Variants in MDGA2 observed in about 807,000 individuals in gnomAD.
MDGA2 encodes MAM domain containing glycosylphosphatidylinositol anchor 2, also known as MAM domain-containing glycosylphosphatidylinositol anchor protein 2.
A neutral mutation model predicts 117.8 loss-of-function variants in MDGA2; 40 were observed. The observed-to-expected ratio is 0.34, with a 90% CI of 0.26 to 0.44. The LOEUF (loss-of-function observed/expected upper bound fraction) is 0.44. Ranked by LOEUF, MDGA2 falls within the 20% of genes least tolerant of loss-of-function variation. The pLI, the probability that MDGA2 is intolerant of heterozygous loss-of-function variation, is 1.00. For synonymous variants in MDGA2, 452 were observed against 439.0 expected (o/e 1.03, Z -0.37); for missense variants, 1,123 against 1,250.6 (o/e 0.90, Z 1.54).
At chr14:47,635,658 G>A (rs1176757123) in intron 1 of MDGA2, among the ~76,000 whole-genome samples, 1 of 152,114 alleles carries the variant, frequency 6.6e-6, no homozygotes, top group African/African-American at 2.4e-5. Context: ...AAAGGACTGT[G>A]GCCATTATCT....
At chr14:47,224,956 G>A (rs1419295499) in intron 2 of MDGA2, among the ~76,000 whole-genome samples, 2 of 152,134 alleles carry the variant, frequency 1.3e-5, no homozygotes, top group Admixed American at 6.5e-5. Flanking sequence ...GAGCATACAG[G>A]TTCAATTTTT....
At chr14:47,334,939 A>C (rs1396926268) in intron 1 of MDGA2, among the ~76,000 whole-genome samples, 2 of 151,942 alleles carry the variant, frequency 1.3e-5, no homozygotes, top group Admixed American at 1.3e-4. Context: ...AACAATGGGA[A>C]TGTGAATTGC....
intron 1 of MDGA2, among the ~76,000 whole-genome samples, chr14:47,558,636 T>C (rs966273250): frequency 6.6e-6 from 1 of 152,206 alleles, no homozygotes; most frequent in African/African-American, 2.4e-5. Flanking sequence ...TCTTTGTCCA[T>C]CTTGACAAGT....
intron 5 of MDGA2, among the ~76,000 whole-genome samples, chr14:47,106,857 TA>T (rs1880723901): frequency 7.1e-6 from 1 of 141,404 alleles, no homozygotes; most frequent in African/African-American, 2.7e-5. Flanking sequence ...CTAAACCTCT[TA>T]AAACTCCCCA....
At chr14:46,950,844 T>A (rs1423700621) in intron 9 of MDGA2, among the ~76,000 whole-genome samples, 1 of 151,652 alleles carries the variant, frequency 6.6e-6, no homozygotes, top group Non-Finnish European at 1.5e-5. Context: ...GACTAAAATA[T>A]ATTTTCTATC....
At position 47,375,598 on chromosome 14, in the gene MDGA2, T is replaced by G. The variant is rs189349658; in HGVS notation, c.281-74048A>C. On this transcript the variant is annotated intron_variant, in intron 1 of 16. Transcript: ENST00000399232. The stretch of plus-strand genomic sequence containing the variant: ...CTGATTCTATAACTACATTTTACAG[T>G]TTCCTTTTCCATTAAACCATCTAAT... Among the ~76,000 whole-genome samples, 369 of 152,168 alleles carry G rather than the reference T, an allele frequency of 2.4e-3. 1 individual carries two copies. Among genetic ancestry groups the G allele is most frequent in the Admixed American group, 4.2e-3 (64 of 15,284 alleles).
chr14:47,362,168 AT>A (rs1369994459), intron 1 of MDGA2, among the ~76,000 whole-genome samples: 1 of 152,146 alleles, frequency 6.6e-6, no homozygotes, highest in African/African-American at 2.4e-5. Context: ...ACTCAAATGA[AT>A]TTGCATTACT....
chr14:47,030,713 T>G (rs746211328), intron 8 of MDGA2, among the ~76,000 whole-genome samples: 40 of 152,134 alleles, frequency 2.6e-4, no homozygotes, highest in Admixed American at 5.2e-4. Flanking sequence ...TGGGAATAAA[T>G]TAAACAATGG....
chr14:46,852,932 C>A (rs1023844110), intron 15 of MDGA2, among the ~76,000 whole-genome samples: 6 of 151,848 alleles, frequency 4.0e-5, no homozygotes, highest in Admixed American at 3.9e-4. Context: ...ATATCTGGTA[C>A]CCAATCAAAT....
chr14:47,319,961 G>A (rs1268521730), intron 1 of MDGA2, among the ~76,000 whole-genome samples: 1 of 152,116 alleles, frequency 6.6e-6, no homozygotes, highest in Non-Finnish European at 1.5e-5. Context: ...GTATAAGGGG[G>A]AAATTTGGAC....
Position 47,387,679 on chromosome 14 carries a change from G to A in MDGA2, c.281-86129C>T, listed in dbSNP as rs146897258. Among the ~76,000 whole-genome samples the A allele has an allele frequency of 3.3e-5, 5 of 152,314 alleles. No homozygotes were observed. The East Asian group carries it at 9.6e-4, about 29-fold the overall frequency. On this transcript the variant is annotated intron_variant, in intron 1 of 16. Transcript: ENST00000399232. Reference sequence around the variant, plus strand: ...AACACTTCTTTGCCAAATTCAGCATGTGGGCATAATTATTTTTAACATATT... The same window carrying A: ...AACACTTCTTTGCCAAATTCAGCATATGGGCATAATTATTTTTAACATATT...
At chr14:47,207,397 ATTGATCTGG>A (rs1179500185) in intron 3 of MDGA2, among the ~76,000 whole-genome samples, 1 of 152,060 alleles carries the variant, frequency 6.6e-6, no homozygotes, top group East Asian at 1.9e-4. Flanking sequence ...TTTAAGGAAG[ATTGATCTGG>A]CAATAATCTG....
At chr14:47,129,487 A>G (rs1352144210) in intron 5 of MDGA2, among the ~76,000 whole-genome samples, 1 of 150,130 alleles carries the variant, frequency 6.7e-6, no homozygotes, top group Non-Finnish European at 1.5e-5. Context: ...AATCCAGTCT[A>G]TCATTGTTGG....
intron 1 of MDGA2, among the ~76,000 whole-genome samples, chr14:47,353,140 G>A (rs1225723919): frequency 6.6e-6 from 1 of 152,154 alleles, no homozygotes; most frequent in East Asian, 1.9e-4. Context: ...GTTCTGGGTG[G>A]TCTTCTGGGT....
intron 6 of MDGA2, among the ~76,000 whole-genome samples, chr14:47,073,604 A>T (rs12435161): frequency 0.2 from 29,723 of 152,166 alleles, 2,984 homozygotes; most frequent in Admixed American, 0.29. Context: ...ATAGAAACCA[A>T]AAATTTGATA....
intron 1 of MDGA2, among the ~76,000 whole-genome samples, chr14:47,469,803 T>G (rs1217262434): frequency 2.0e-5 from 3 of 152,154 alleles, no homozygotes; most frequent in African/African-American, 7.2e-5. Context: ...CTCCACATCC[T>G]CTCCAGCACC....
rs374591433 is a variant in MDGA2 at position 47,575,661 on chromosome 14, T to C, written c.280+98856A>G. 3.4e-4 allele frequency among the ~76,000 whole-genome samples: 52 copies of C among 152,272 alleles called. No individual in the cohort carries two copies. The East Asian group carries it at 9.1e-3, about 27-fold the overall frequency. ...TATCCATGAAGGACAAGAAGTAATG[T>C]TTAGGGAACATGTGTGTGAGCCACC... On this transcript the variant is annotated intron_variant, in intron 1 of 16. Coordinates refer to ENST00000399232, the MANE Select transcript of MDGA2 (RefSeq NM_001113498.3).
intron 7 of MDGA2, among the ~76,000 whole-genome samples, chr14:47,057,389 A>G (rs1366196523): frequency 2.6e-5 from 4 of 152,116 alleles, no homozygotes; most frequent in African/African-American, 7.2e-5. Context: ...GGCAAGGCCT[A>G]TTTGTACTAT....
At chr14:47,312,262 G>A (rs565558406) in intron 1 of MDGA2, among the ~76,000 whole-genome samples, 1 of 152,214 alleles carries the variant, frequency 6.6e-6, no homozygotes, top group African/African-American at 2.4e-5. Flanking sequence ...ATGTGGCAAT[G>A]TGGCATGGTA....
Sources: gnomAD v4.1 joint callset for allele counts (sites outside exome capture counted in the v4.1 genomes callset) on GRCh38, gnomAD v4.1.1 for gene constraint, MANE v1.5 for transcripts, NCBI Gene and HGNC (gene_info 2026-07-23, HGNC 2026-07-21) for gene names.